The following ELAVL4 variants were observed in gnomAD, a reference collection of about 807,000 sequenced individuals.
ELAVL4 encodes the protein ELAV like RNA binding protein 4.
ELAVL4 carries 1 observed loss-of-function variant against 35.6 expected under a neutral mutation model. The observed-to-expected ratio is 0.03, with a 90% CI of 0.01 to 0.13. The LOEUF (loss-of-function observed/expected upper bound fraction) is 0.13. Ranked by LOEUF, ELAVL4 falls within the 10% of genes least tolerant of loss-of-function variation. The pLI, the probability that ELAVL4 is intolerant of heterozygous loss-of-function variation, is 1.00. For synonymous variants in ELAVL4, 156 were observed against 171.0 expected, an observed-to-expected ratio of 0.91 and a Z score of 0.69; for missense variants, 267 against 464.9, an observed-to-expected ratio of 0.57 and a Z score of 3.91.
intron 3 of ELAVL4, among the ~76,000 whole-genome samples, chr1:50,186,532 C>CT (rs2148860043): frequency 6.6e-6 from 1 of 152,162 alleles, no homozygotes; most frequent in Non-Finnish European, 1.5e-5. Flanking sequence ...TCATTTGTGC[C>CT]TGGGACTCGT....
At chr1:50,193,366 G>A (rs1006524061) in intron 3 of ELAVL4, among the ~76,000 whole-genome samples, 1 of 145,284 alleles carries the variant, frequency 6.9e-6, no homozygotes, top group African/African-American at 2.5e-5. Flanking sequence ...ATTTCATGAG[G>A]TTTTTTTTTT....
chr1:50,110,387 G>A (rs1268211793), intron 1 of ELAVL4, among the ~76,000 whole-genome samples: 1 of 152,168 alleles, frequency 6.6e-6, no homozygotes, highest in African/African-American at 2.4e-5. Flanking sequence ...GGAATGAGGG[G>A]TGGAGGAGGT....
chr1:50,146,291 C>T (rs1406602625), intron 2 of ELAVL4, among the ~76,000 whole-genome samples: 1 of 152,066 alleles, frequency 6.6e-6, no homozygotes, highest in Non-Finnish European at 1.5e-5. Flanking sequence ...ACATGTAAAT[C>T]TGTTCCCCTT....
intron 1 of ELAVL4, among the ~76,000 whole-genome samples, chr1:50,139,921 G>A (rs777666559): frequency 6.6e-6 from 1 of 152,112 alleles, no homozygotes; most frequent in Non-Finnish European, 1.5e-5. Context: ...TCAAACCATC[G>A]ACATTTACGA....
chr1:50,121,914 C>A (rs1669104955), intron 1 of ELAVL4, among the ~76,000 whole-genome samples: 1 of 152,016 alleles, frequency 6.6e-6, no homozygotes, highest in African/African-American at 2.4e-5. Context: ...TGACAATAAT[C>A]AGTAGTGAAT....
chr1:50,200,003 C>T (rs944017879), intron 6 of ELAVL4, among the ~76,000 whole-genome samples: 2 of 152,128 alleles, frequency 1.3e-5, no homozygotes, highest in Non-Finnish European at 2.9e-5. Flanking sequence ...TAATGTATAG[C>T]GATTCAAGAT....
intron 1 of ELAVL4, among the ~76,000 whole-genome samples, chr1:50,143,719 G>A (rs1029732317): frequency 1.3e-5 from 2 of 152,104 alleles, no homozygotes; most frequent in African/African-American, 4.8e-5. Flanking sequence ...AATAGAGGAC[G>A]GTGTAAGACA....
intron 1 of ELAVL4, among the ~76,000 whole-genome samples, chr1:50,110,572 T>TA (rs1666899829): frequency 6.6e-6 from 1 of 152,188 alleles, no homozygotes; most frequent in African/African-American, 2.4e-5. Context: ...ACCCTGAAGA[T>TA]ATGGCACAAA....
At chr1:50,130,424 C>T (rs1360191490) in intron 1 of ELAVL4, among the ~76,000 whole-genome samples, 1 of 152,100 alleles carries the variant, frequency 6.6e-6, no homozygotes, top group African/African-American at 2.4e-5. Flanking sequence ...AATGACAATA[C>T]CCACTTCTCA....
intron 1 of ELAVL4, among the ~76,000 whole-genome samples, chr1:50,086,908 T>C (rs1486499571): frequency 6.6e-6 from 1 of 152,146 alleles, no homozygotes; most frequent in Admixed American, 6.6e-5. Flanking sequence ...CCAAGGCCAG[T>C]TCTTCATTCT....
chr1:50,124,977 G>T (rs139413516), intron 1 of ELAVL4, among the ~76,000 whole-genome samples: 17 of 152,054 alleles, frequency 1.1e-4, no homozygotes, highest in African/African-American at 3.4e-4. Context: ...TTGAGTGCCT[G>T]CCAGACACTG....
At chr1:50,066,564 G>A (rs1364640621) in intron 1 of ELAVL4, among the ~76,000 whole-genome samples, 5 of 152,092 alleles carry the variant, frequency 3.3e-5, no homozygotes, top group East Asian at 3.8e-4. Flanking sequence ...AACTCAGCAC[G>A]TCCAGATGCA....
chr1:50,197,702 C>T (rs1441248068), intron 6 of ELAVL4: 1 of 432,166 alleles, frequency 2.3e-6, no homozygotes, highest in African/African-American at 2.1e-5. Context: ...TGGGCTTCTC[C>T]TATGGTTCAG....
chr1:50,136,160 C>A (rs190453754), intron 1 of ELAVL4, among the ~76,000 whole-genome samples: 12 of 151,832 alleles, frequency 7.9e-5, no homozygotes, highest in African/African-American at 2.7e-4. Context: ...GGAATTGTAA[C>A]GACATTTTTA....
chr1:50,119,908 G>A (rs1668734690), intron 1 of ELAVL4, among the ~76,000 whole-genome samples: 1 of 151,722 alleles, frequency 6.6e-6, no homozygotes, highest in South Asian at 2.1e-4. Flanking sequence ...ATAAAGCTTA[G>A]CCACTTGACT....
At chr1:50,061,465 A>G (rs1296321538) in intron 1 of ELAVL4, among the ~76,000 whole-genome samples, 3 of 152,160 alleles carry the variant, frequency 2.0e-5, no homozygotes, top group Non-Finnish European at 1.5e-5. Context: ...TGTATAGATA[A>G]CTCACAGTAA....
At chr1:50,149,827 C>T (rs1674466478) in intron 2 of ELAVL4, among the ~76,000 whole-genome samples, 1 of 152,110 alleles carries the variant, frequency 6.6e-6, no homozygotes. Context: ...CAGGCATGAG[C>T]CACTGTGCCT....
At chr1:50,066,758 A>T (rs1664282894) in intron 1 of ELAVL4, among the ~76,000 whole-genome samples, 1 of 152,122 alleles carries the variant, frequency 6.6e-6, no homozygotes, top group Non-Finnish European at 1.5e-5. Context: ...ATTCTTAGGA[A>T]AATACTCTCT....
At chr1:50,179,220 G>A (rs1680630511) in intron 3 of ELAVL4, among the ~76,000 whole-genome samples, 1 of 151,410 alleles carries the variant, frequency 6.6e-6, no homozygotes, top group Admixed American at 6.6e-5. Context: ...TGCACCCAGC[G>A]GTAATGTGGG....
Sources: allele counts gnomAD v4.1 joint callset (sites outside exome capture counted in the v4.1 genomes callset), GRCh38; gene constraint gnomAD v4.1.1; transcripts MANE v1.5; gene names NCBI Gene and HGNC (gene_info 2026-07-23, HGNC 2026-07-21).